GRM7: variants seen among roughly 807,000 people sequenced by gnomAD.
GRM7 encodes metabotropic glutamate receptor 7.
Under a neutral mutation model 84.5 loss-of-function variants are expected in GRM7, and 35 were observed. The ratio of observed to expected loss-of-function variants is 0.41; its 90% CI spans 0.32 to 0.55. The LOEUF is 0.55. Ranked by LOEUF, GRM7 falls within the 20% of genes least tolerant of loss-of-function variation. The pLI is 0.19. For missense variants in GRM7, 1,003 were observed against 1,194.6 expected, an observed-to-expected ratio of 0.84 and a Z score of 2.36; for synonymous variants, 487 against 455.1, an observed-to-expected ratio of 1.07 and a Z score of -0.89.
chr3:7,723,615 G>A (rs1438822873), intron 9 of GRM7, among the ~76,000 whole-genome samples: 1 of 152,136 alleles, frequency 6.6e-6, no homozygotes, highest in Non-Finnish European at 1.5e-5. Context: ...TTGGGAGGCT[G>A]ACATGGGAGG....
intron 4 of GRM7, among the ~76,000 whole-genome samples, chr3:7,343,374 C>T (rs1169601588): frequency 2.0e-5 from 3 of 151,970 alleles, no homozygotes; most frequent in African/African-American, 7.3e-5. Context: ...GCTGGGACTA[C>T]AGGGATGTAT....
At chr3:6,881,304 C>T (rs576215871) in intron 1 of GRM7, among the ~76,000 whole-genome samples, 1 of 152,044 alleles carries the variant, frequency 6.6e-6, no homozygotes, top group Non-Finnish European at 1.5e-5. Flanking sequence ...ACTCCACCCC[C>T]CAACAGTCTC....
In GRM7 at chr3:7,286,379, A is replaced by G. The variant is rs148888005; in HGVS notation, c.737-12305A>G. On this transcript the variant is annotated intron_variant, in intron 2 of 9. Coordinates refer to ENST00000357716, the MANE Select transcript of GRM7 (RefSeq NM_000844.4). ...GGAGAGAAATTATATGATATCCACA[A>G]ATATTCACCTCTCACATTCTTTTCT... 1.4e-4 allele frequency among the ~76,000 whole-genome samples: 22 copies of G among 152,292 alleles called. No individual in the cohort carries two copies. In the East Asian group the frequency reaches 3.7e-3, roughly 25 times the overall value.
At chr3:7,669,238 G>T (rs1699826778) in intron 8 of GRM7, among the ~76,000 whole-genome samples, 1 of 152,200 alleles carries the variant, frequency 6.6e-6, no homozygotes, top group Non-Finnish European at 1.5e-5. Context: ...CTATAAGCGA[G>T]TAAAACAAGA....
chr3:7,525,648 A>G (rs1321192748), intron 7 of GRM7, among the ~76,000 whole-genome samples: 2 of 152,070 alleles, frequency 1.3e-5, no homozygotes, highest in Non-Finnish European at 2.9e-5. Flanking sequence ...TATTGATTTC[A>G]TCACCCAAAT....
intron 8 of GRM7, among the ~76,000 whole-genome samples, chr3:7,609,411 G>T (rs1475245262): frequency 6.6e-6 from 1 of 151,710 alleles, no homozygotes; most frequent in East Asian, 1.9e-4. Flanking sequence ...AGGGACAAAT[G>T]TTGCTGCAGG....
chr3:7,726,512 A>G (rs964581396), intron 9 of GRM7, among the ~76,000 whole-genome samples: 1 of 150,002 alleles, frequency 6.7e-6, no homozygotes, highest in South Asian at 2.1e-4. Flanking sequence ...TTTATTTTGA[A>G]AAGTTTAAAA....
chr3:6,999,597 G>T (rs1694941551), intron 1 of GRM7, among the ~76,000 whole-genome samples: 1 of 152,142 alleles, frequency 6.6e-6, no homozygotes, highest in South Asian at 2.1e-4. Flanking sequence ...AATTTATAAA[G>T]GAAAAAGGCT....
chr3:7,335,234 A>C (rs181336948), intron 4 of GRM7, among the ~76,000 whole-genome samples: 1 of 152,298 alleles, frequency 6.6e-6, no homozygotes, highest in Non-Finnish European at 1.5e-5. Context: ...ACAGTGAAAT[A>C]AAATTGGAAA....
intron 1 of GRM7, among the ~76,000 whole-genome samples, chr3:6,941,168 T>C (rs780993712): frequency 3.3e-4 from 51 of 152,288 alleles, no homozygotes; most frequent in Non-Finnish European, 6.6e-4. Context: ...AAGGGAGTCA[T>C]TATCTTATGT....
chr3:7,623,785 GATAAA>G (rs1198518162), intron 8 of GRM7, among the ~76,000 whole-genome samples: 2 of 152,136 alleles, frequency 1.3e-5, no homozygotes, highest in Non-Finnish European at 2.9e-5. Context: ...CAGTATCTAT[GATAAA>G]ATAACATACA....
At chr3:7,160,154 T>C (rs1383043000) in intron 2 of GRM7, among the ~76,000 whole-genome samples, 3 of 152,098 alleles carry the variant, frequency 2.0e-5, no homozygotes. Flanking sequence ...CATCTCTATG[T>C]GGGAGCTCAA....
At chr3:7,653,953 T>C (rs3792439) in intron 8 of GRM7, among the ~76,000 whole-genome samples, 85,042 of 151,932 alleles carry the variant, frequency 0.56, 24,155 homozygotes, top group African/African-American at 0.6. Flanking sequence ...CTGGCACCCC[T>C]GCTACTCCCT....
chr3:6,948,471 C>A (rs990731231), intron 1 of GRM7, among the ~76,000 whole-genome samples: 1 of 152,114 alleles, frequency 6.6e-6, no homozygotes, highest in Admixed American at 6.5e-5. Context: ...TGCTTTACTT[C>A]CACCTATGAG....
chr3:7,291,563 CGTCT>C (rs965454398), intron 2 of GRM7, among the ~76,000 whole-genome samples: 9 of 129,912 alleles, frequency 6.9e-5, no homozygotes, highest in Non-Finnish European at 1.5e-4. Flanking sequence ...TCAATCCCTC[CGTCT>C]GTCTATTTTT....
At chr3:6,968,352 T>C (rs1693611220) in intron 1 of GRM7, among the ~76,000 whole-genome samples, 1 of 152,202 alleles carries the variant, frequency 6.6e-6, no homozygotes, top group Non-Finnish European at 1.5e-5. Context: ...GAACTCATTT[T>C]ATTTTGATTA....
At chr3:7,383,791 C>A (rs1694681769) in intron 4 of GRM7, among the ~76,000 whole-genome samples, 1 of 152,122 alleles carries the variant, frequency 6.6e-6, no homozygotes, top group Non-Finnish European at 1.5e-5. Flanking sequence ...TGATCCATAC[C>A]ACCCTGGGGT....
At chr3:7,001,834 A>C (rs1172747410) in intron 1 of GRM7, among the ~76,000 whole-genome samples, 5 of 152,194 alleles carry the variant, frequency 3.3e-5, no homozygotes. Context: ...TATCTACAAT[A>C]AACATGAATT....
intron 2 of GRM7, among the ~76,000 whole-genome samples, chr3:7,244,544 TAGA>T (rs1178646127): frequency 6.6e-6 from 1 of 152,064 alleles, no homozygotes; most frequent in Non-Finnish European, 1.5e-5. Flanking sequence ...CCCACCAAGT[TAGA>T]AGGATTTGGT....
Sources: allele counts gnomAD v4.1 joint callset (sites outside exome capture counted in the v4.1 genomes callset), GRCh38; gene constraint gnomAD v4.1.1; transcripts MANE v1.5; gene names NCBI Gene and HGNC (gene_info 2026-07-23, HGNC 2026-07-21).